Variants in SPAG16 observed in about 807,000 individuals in gnomAD.
The protein encoded by SPAG16 is sperm associated antigen 16, also known as sperm-associated antigen 16 protein.
In SPAG16, 86 loss-of-function variants were observed where a neutral mutation model predicts 80.4. The ratio of observed to expected loss-of-function variants is 1.07; its 90% CI spans 0.90 to 1.28. SPAG16 has a LOEUF of 1.28. Ranked by LOEUF, SPAG16 falls within the 50% of genes most tolerant of loss-of-function variation. SPAG16 has a pLI of 0.00. For missense variants in SPAG16, 870 were observed against 765.3 expected (o/e 1.14, Z -1.61); for synonymous variants, 294 against 265.9 (o/e 1.11, Z -1.03).
At chr2:213,389,110 C>T (rs111659742) in intron 9 of SPAG16, among the ~76,000 whole-genome samples, 5 of 152,196 alleles carry the variant, frequency 3.3e-5, no homozygotes, top group African/African-American at 1.2e-4. Context: ...CAGAAATAAA[C>T]CCTCACATAT....
intron 13 of SPAG16, among the ~76,000 whole-genome samples, chr2:214,077,343 C>T (rs891086416): frequency 6.6e-6 from 1 of 152,186 alleles, no homozygotes; most frequent in Admixed American, 6.5e-5. Flanking sequence ...AGGCAGGCTT[C>T]ATTTGTTCTT....
chr2:213,962,316 C>T (rs1230589831), intron 12 of SPAG16, among the ~76,000 whole-genome samples: 2 of 139,844 alleles, frequency 1.4e-5, no homozygotes, highest in Non-Finnish European at 3.2e-5. Context: ...CCTCAGCCTC[C>T]TGAGTAGCTG....
chr2:213,419,715 AT>A (rs1394674214), intron 9 of SPAG16, among the ~76,000 whole-genome samples: 1 of 152,168 alleles, frequency 6.6e-6, no homozygotes, highest in Non-Finnish European at 1.5e-5. Context: ...TGTGCTACTT[AT>A]TGATATATGG....
At chr2:213,894,270 G>A (rs1120539) in intron 11 of SPAG16, among the ~76,000 whole-genome samples, 90,410 of 151,984 alleles carry the variant, frequency 0.59, 28,769 homozygotes, top group South Asian at 0.85. Context: ...CATCTCAGGA[G>A]TGCAAGGATG....
At chr2:213,344,558 T>C (rs970298836) in intron 6 of SPAG16, among the ~76,000 whole-genome samples, 7 of 152,090 alleles carry the variant, frequency 4.6e-5, no homozygotes, top group African/African-American at 1.7e-4. Context: ...GGCCCCGGTA[T>C]GTGATGTTCC....
At chr2:214,226,895 A>G (rs2125789669) in intron 15 of SPAG16, among the ~76,000 whole-genome samples, 1 of 152,110 alleles carries the variant, frequency 6.6e-6, no homozygotes, top group Non-Finnish European at 1.5e-5. Flanking sequence ...ATGCACTCTG[A>G]TATCTTATAC....
intron 15 of SPAG16, among the ~76,000 whole-genome samples, chr2:214,357,335 G>A (rs1377682576): frequency 2.6e-5 from 4 of 151,814 alleles, no homozygotes; most frequent in Admixed American, 6.6e-5. Context: ...ATGCCAATGA[G>A]AAATATCTTA....
intron 9 of SPAG16, among the ~76,000 whole-genome samples, chr2:213,404,359 G>A (rs1273700276): frequency 6.6e-6 from 1 of 151,970 alleles, no homozygotes. Flanking sequence ...CCAAAACAGA[G>A]ATATAGACCA....
intron 15 of SPAG16, among the ~76,000 whole-genome samples, chr2:214,407,406 A>G (rs1046491654): frequency 6.6e-6 from 1 of 152,130 alleles, no homozygotes; most frequent in African/African-American, 2.4e-5. Context: ...ATTTACTTCA[A>G]TATGAACATT....
intron 10 of SPAG16, among the ~76,000 whole-genome samples, chr2:213,765,870 T>A (rs930757145): frequency 2.0e-5 from 3 of 152,168 alleles, no homozygotes; most frequent in African/African-American, 7.2e-5. Context: ...CTTAAGCAGC[T>A]ATGTAGATAG....
At chr2:213,438,202 T>A (rs1483680258) in intron 9 of SPAG16, among the ~76,000 whole-genome samples, 3 of 152,206 alleles carry the variant, frequency 2.0e-5, no homozygotes, top group African/African-American at 7.2e-5. Flanking sequence ...AGCCCTATAT[T>A]TATAGATACC....
intron 9 of SPAG16, among the ~76,000 whole-genome samples, chr2:213,407,940 CAGAGAGAGACAGGAGAGAGGCAG>C (rs2068745218): frequency 1.3e-5 from 1 of 75,182 alleles, no homozygotes; most frequent in Non-Finnish European, 2.4e-5. Flanking sequence ...AGGAGAGAGG[CAGAGAGAGACAGGAGAGAGGCAG>C]AGAGAGAGAC....
chr2:214,115,016 G>C (rs13404448), intron 14 of SPAG16, among the ~76,000 whole-genome samples: 70,244 of 152,008 alleles, frequency 0.46, 16,616 homozygotes, highest in Admixed American at 0.53. Context: ...CTCCAAATCA[G>C]TATCCCACAG....
chr2:213,799,973 A>G (rs1456694668), intron 10 of SPAG16, among the ~76,000 whole-genome samples: 1 of 151,960 alleles, frequency 6.6e-6, no homozygotes, highest in Non-Finnish European at 1.5e-5. Flanking sequence ...AAAAAAAAAA[A>G]AAAGAAAAAA....
In SPAG16 at chr2:213,818,286, C is replaced by A. The variant is rs1022886176; in HGVS notation, c.1071-44199C>A. ...TAGAGTTTATCTCATAATATGACAA[C>A]CATTGTTCACAGTAAAGTTCCACCC... On this transcript the variant is annotated intron_variant, in intron 10 of 15. Coordinates refer to ENST00000331683, the MANE Select transcript of SPAG16 (RefSeq NM_024532.5). Among the ~76,000 whole-genome samples, 9 of 152,286 alleles carry A rather than the reference C, an allele frequency of 5.9e-5. No homozygotes were observed. The South Asian group carries it at 1.9e-3, about 32-fold the overall frequency.
intron 9 of SPAG16, among the ~76,000 whole-genome samples, chr2:213,394,519 T>C (rs2067937459): frequency 6.6e-6 from 1 of 152,176 alleles, no homozygotes; most frequent in Non-Finnish European, 1.5e-5. Flanking sequence ...GACATTGATA[T>C]AATCAAGGTA....
At chr2:214,356,628 A>G (rs1698822581) in intron 15 of SPAG16, among the ~76,000 whole-genome samples, 1 of 151,938 alleles carries the variant, frequency 6.6e-6, no homozygotes, top group South Asian at 2.1e-4. Context: ...TGCTTCTTCT[A>G]GCAGTTACTC....
chr2:213,403,617 A>G (rs2068449110), intron 9 of SPAG16, among the ~76,000 whole-genome samples: 1 of 152,256 alleles, frequency 6.6e-6, no homozygotes, highest in South Asian at 2.1e-4. Context: ...ATGGGCAAAA[A>G]CTGGAAGCAT....
At chr2:213,923,293 G>T (rs1264003302) in intron 11 of SPAG16, among the ~76,000 whole-genome samples, 1 of 152,188 alleles carries the variant, frequency 6.6e-6, no homozygotes, top group Non-Finnish European at 1.5e-5. Flanking sequence ...TGGGCCAAAA[G>T]CTCCAGCAGG....
Sources: allele counts gnomAD v4.1 joint callset (sites outside exome capture counted in the v4.1 genomes callset), GRCh38; gene constraint gnomAD v4.1.1; transcripts MANE v1.5; gene names NCBI Gene and HGNC (gene_info 2026-07-23, HGNC 2026-07-21).